The following TCF7L2 variants were observed in gnomAD, a reference collection of about 807,000 sequenced individuals.
TCF7L2 encodes transcription factor 7 like 2.
In TCF7L2, 23 loss-of-function variants were observed where a neutral mutation model predicts 77.9. The ratio of observed to expected loss-of-function variants is 0.30; its 90% CI spans 0.21 to 0.42. The LOEUF is 0.42. TCF7L2 is among the 10% of genes least tolerant of loss of function. The probability of loss-of-function intolerance (pLI) is 1.00; values close to 1 mark genes in which losing one functional copy is unlikely to be tolerated. For missense variants in TCF7L2, 654 were observed against 793.1 expected (o/e 0.82, Z 2.11); for synonymous variants, 413 against 340.2 (o/e 1.21, Z -2.36).
chr10:113,017,344 C>G (rs1013990062), intron 4 of TCF7L2, among the ~76,000 whole-genome samples: 1 of 151,090 alleles, frequency 6.6e-6, no homozygotes, highest in African/African-American at 2.5e-5. Context: ...TAGAAGCTGG[C>G]GTTATCCCAT....
rs1419688679 is a variant in TCF7L2 at position 113,151,758 on chromosome 10, G to C, written c.1035G>C (p.Lys345Asn). ...AGGACTCCAAAAAGGAAGAAGAAAAGAAGAAGCCCCACATAAAGAAACCTC... is the reference window on the plus strand; with the variant it reads ...AGGACTCCAAAAAGGAAGAAGAAAACAAGAAGCCCCACATAAAGAAACCTC... Residue 345 changes from lysine (K) to asparagine (N), a missense_variant, in exon 10 of 14, where the codon AAG (lysine) becomes AAC (asparagine). Lys to Asn is a moderately conservative substitution (Grantham distance 94). Coordinates refer to ENST00000627217, the MANE Select transcript of TCF7L2 (RefSeq NM_001146274.2). The surrounding 1 kb of genome is among the most constrained non-coding windows in gnomAD (Gnocchi z 5.2). 1 of 1,607,442 alleles carries C rather than the reference G, an allele frequency of 6.2e-7. No individual in the cohort carries two copies. The highest frequency in any genetic ancestry group is 8.5e-7 in the Non-Finnish European group (1 of 1,178,540).
chr10:113,128,046 A>G (rs1555101021), intron 5 of TCF7L2, among the ~76,000 whole-genome samples: 1 of 152,046 alleles, frequency 6.6e-6, no homozygotes, highest in Non-Finnish European at 1.5e-5. Context: ...GTGTGTGACA[A>G]AAGCAGCTGC....
chr10:113,130,081 C>T (rs2066335636), intron 5 of TCF7L2: 7 of 908,066 alleles, frequency 7.7e-6, no homozygotes, highest in South Asian at 3.3e-5. Flanking sequence ...TGCTTTTTCC[C>T]CCCCCTTAAT....
At position 113,152,362 on chromosome 10, in the gene TCF7L2, G is replaced by A. The variant is rs776801596; in HGVS notation, c.1191G>A (p.Ala397=). Residue 397 remains alanine (A), a synonymous_variant, in exon 11 of 14, where the codon GCG becomes GCA. Transcript: ENST00000627217. ...ATGCACTGTCCAGAGAAGAGCAAGC[G>A]AAATACTACGAGCTGGCCCGGAAGG... 11 of 1,614,204 alleles carry A rather than the reference G, an allele frequency of 6.8e-6. No homozygotes were observed. Among genetic ancestry groups the A allele is most frequent in the Admixed American group, 3.3e-5 (2 of 60,030 alleles).
chr10:112,981,786 C>G (rs991053217), intron 4 of TCF7L2, among the ~76,000 whole-genome samples: 1 of 152,228 alleles, frequency 6.6e-6, no homozygotes, highest in Admixed American at 6.5e-5. Context: ...ATCTTTCGAT[C>G]TGACTTCTGT....
intron 4 of TCF7L2, among the ~76,000 whole-genome samples, chr10:112,972,673 G>A (rs980277803): frequency 1.3e-5 from 2 of 152,140 alleles, no homozygotes; most frequent in African/African-American, 4.8e-5. Flanking sequence ...GCTTCGCCAT[G>A]TTGCCCAGGC....
intron 5 of TCF7L2, among the ~76,000 whole-genome samples, chr10:113,046,509 T>A (rs1352270118): frequency 1.3e-5 from 2 of 152,220 alleles, no homozygotes; most frequent in Non-Finnish European, 2.9e-5. Flanking sequence ...CCTTAATTCA[T>A]GTTTTGCTGT....
At chr10:113,064,460 A>G (rs1208308320) in intron 5 of TCF7L2, among the ~76,000 whole-genome samples, 1 of 152,226 alleles carries the variant, frequency 6.6e-6, no homozygotes, top group Non-Finnish European at 1.5e-5. Context: ...AATAAATTAT[A>G]TAAGTATGCC....
chr10:113,146,150 A>G (rs2069349241), intron 8 of TCF7L2, 53 bp downstream of exon 8: 1 of 1,571,632 alleles, frequency 6.4e-7, no homozygotes, highest in East Asian at 2.2e-5. Context: ...ACTTCTCAAG[A>G]AGTTCTCTAG....
intron 4 of TCF7L2, among the ~76,000 whole-genome samples, chr10:113,026,871 CCA>C (rs2049275699): frequency 6.6e-6 from 1 of 152,090 alleles, no homozygotes; most frequent in Non-Finnish European, 1.5e-5. Context: ...GAGGGAATAC[CCA>C]AACTCGATGC....
rs2135106573 is a variant in TCF7L2 at position 112,977,538 on chromosome 10, C to T, written c.450+12914C>T. Reference sequence around the variant, plus strand: ...CGATGACAAATCTGCCTTGCTCCTGCCACTGGAGCAGAAAATGTAGCTTGA... The same window carrying T: ...CGATGACAAATCTGCCTTGCTCCTGTCACTGGAGCAGAAAATGTAGCTTGA... On this transcript the variant is annotated intron_variant, in intron 4 of 13. Transcript: ENST00000627217. Among the ~76,000 whole-genome samples the T allele has an allele frequency of 5.9e-5, 9 of 152,290 alleles. 1 individual carries two copies. In the South Asian group the frequency reaches 1.9e-3, roughly 32 times the overall value.
chr10:112,989,078 G>A (rs2042078371), intron 4 of TCF7L2, among the ~76,000 whole-genome samples: 1 of 152,174 alleles, frequency 6.6e-6, no homozygotes, highest in African/African-American at 2.4e-5. Flanking sequence ...GCTGCTGGGA[G>A]TCTAGGTGGG....
chr10:113,061,232 G>A (rs2056391287), intron 5 of TCF7L2, among the ~76,000 whole-genome samples: 1 of 152,044 alleles, frequency 6.6e-6, no homozygotes, highest in Admixed American at 6.5e-5. Flanking sequence ...CAGCTGGCAT[G>A]GTCCCCCGTT....
rs1183773238 is a variant in TCF7L2 at position 113,059,828 on chromosome 10, G to C, written c.552+19702G>C. On this transcript the variant is annotated intron_variant, in intron 5 of 13. Coordinates refer to ENST00000627217, the MANE Select transcript of TCF7L2 (RefSeq NM_001146274.2). ...TATTTAGAAACTATTAAACATGTCA[G>C]TAAGAGATAGGAAAAGAGCAGATTG... Among the ~76,000 whole-genome samples, 7 of 152,204 alleles carry C rather than the reference G, an allele frequency of 4.6e-5. 1 individual carries two copies. In the East Asian group the frequency reaches 1.3e-3, roughly 29 times the overall value.
intron 5 of TCF7L2, among the ~76,000 whole-genome samples, chr10:113,139,641 G>A (rs541046627): frequency 5.9e-5 from 9 of 152,280 alleles, no homozygotes; most frequent in African/African-American, 9.6e-5. Context: ...TGTTGGAAAC[G>A]TTGACTTCTT....
chr10:113,050,633 A>G (rs1156540071), intron 5 of TCF7L2, among the ~76,000 whole-genome samples: 1 of 152,192 alleles, frequency 6.6e-6, no homozygotes, highest in Non-Finnish European at 1.5e-5. Context: ...CTCAGGAAAA[A>G]AAAATTGTTT....
At chr10:113,101,674 C>G (rs1303137455) in intron 5 of TCF7L2, among the ~76,000 whole-genome samples, 1 of 151,642 alleles carries the variant, frequency 6.6e-6, no homozygotes, top group Non-Finnish European at 1.5e-5. Context: ...AACTCTGTCT[C>G]TACTAAAAAA....
chr10:113,108,953 A>ATC (rs1352831087), intron 5 of TCF7L2, among the ~76,000 whole-genome samples: 74 of 152,212 alleles, frequency 4.9e-4, no homozygotes, highest in Non-Finnish European at 4.4e-5. Flanking sequence ...TTTATTTAAA[A>ATC]ATCAGAAGGC....
intron 4 of TCF7L2, 112 bp downstream of exon 4, chr10:112,964,736 A>ATGATGGTGGTGGTGGTGGTGG (rs1564718764): frequency 6.8e-6 from 5 of 733,304 alleles, no homozygotes; most frequent in Admixed American, 5.2e-5. Flanking sequence ...GATGATGATG[A>ATGATGGTGGTGGTGGTGGTGG]TGATGGTGGT....
Sources: gnomAD v4.1 joint callset for allele counts (sites outside exome capture counted in the v4.1 genomes callset) on GRCh38, gnomAD v4.1.1 for gene constraint, Gnocchi (gnomAD v3.1) non-coding constraint, MANE v1.5 for transcripts, NCBI Gene and HGNC (gene_info 2026-07-23, HGNC 2026-07-21) for gene names.